Variants in CATSPER1 observed in about 807,000 individuals in gnomAD.
CATSPER1 encodes the protein cation channel sperm associated 1.
Under a neutral mutation model 72.7 loss-of-function variants are expected in CATSPER1, and 57 were observed. The observed-to-expected ratio is 0.78, with a 90% CI of 0.63 to 0.98. CATSPER1 has a LOEUF of 0.98. Ranked by LOEUF, CATSPER1 falls within the 50% of genes least tolerant of loss-of-function variation. CATSPER1 has a pLI of 0.00. For missense variants in CATSPER1, 910 were observed against 1,033.9 expected, an observed-to-expected ratio of 0.88 and a Z score of 1.64; for synonymous variants, 363 against 403.0, an observed-to-expected ratio of 0.90 and a Z score of 1.19.
In CATSPER1 at chr11:66,017,178, CGGGTGGGCG is replaced by C; in HGVS notation, c.2202-13_2202-5del. On this transcript the variant is annotated splice_region_variant and splice_polypyrimidine_tract_variant and intron_variant, in intron 10 of 11. Transcript: ENST00000312106. Reference sequence around the variant, plus strand: ...ATGGAACAGGAGCTCCTGCTGCCTGCGGGTGGGCGGGGGGGTCGCAGAGACAGGGGCTGG... The same window carrying C: ...ATGGAACAGGAGCTCCTGCTGCCTGCGGGGGGTCGCAGAGACAGGGGCTGG... 1 of 191,242 alleles carries C rather than the reference CGGGTGGGCG, an allele frequency of 5.2e-6. No individual in the cohort carries two copies. The highest frequency in any genetic ancestry group is 9.9e-6 in the Non-Finnish European group (1 of 101,142). 11.8% of individuals were successfully genotyped at this position (191,242 alleles called of 1,614,324 possible). A position where few individuals can be genotyped will look rare whatever the true frequency, so the allele number is the denominator to read the frequency against.
Position 66,021,801 on chromosome 11 carries a change from C to T in CATSPER1, c.1508G>A (p.Gly503Asp), listed in dbSNP as rs1404235987. ...CCAGAAGTCAAAGAAGTACGAGAGG[C>T]CCAGGGCGATGATCTTGAGCAGGGC... Reference protein sequence around the residue: ...VEALLKIIALGLSYFFDFWNN... With the variant: ...VEALLKIIALDLSYFFDFWNN... Residue 503 changes from glycine to aspartate, a missense_variant, in exon 3 of 12, where the codon GGC becomes GAC. Physicochemically the swap from Gly to Asp is moderately conservative, Grantham distance 94. Transcript: ENST00000312106. 3 of 1,614,152 alleles carry T rather than the reference C, an allele frequency of 1.9e-6. 1 individual carries two copies. In the South Asian group the frequency reaches 3.3e-5, roughly 18 times the overall value.
Position 66,021,486 on chromosome 11 carries a change from G to A in CATSPER1, c.1691+10C>T. On this transcript the variant is annotated intron_variant, in intron 4 of 11. Transcript: ENST00000312106. ...AGTCCCCACCCCAGGTGGGAGCCGT[G>A]GCCACTGACCTGAGCCTCCGCAGGA... is the stretch of plus-strand genomic sequence containing the variant. 6.2e-7 allele frequency: 1 copy of A among 1,612,370 alleles called. No homozygotes were observed. The highest frequency in any genetic ancestry group is 8.5e-7 in the Non-Finnish European group (1 of 1,179,976).
rs368408977 is a variant in CATSPER1 at position 66,016,824 on chromosome 11, C to T, written c.*66G>A. 17 of 1,553,868 alleles carry T rather than the reference C, an allele frequency of 1.1e-5. No homozygotes were observed. The highest frequency in any genetic ancestry group is 1.8e-5 in the Admixed American group (1 of 56,408). On this transcript the variant is annotated 3_prime_UTR_variant, in exon 12 of 12. Coordinates refer to ENST00000312106, the MANE Select transcript of CATSPER1 (RefSeq NM_053054.4). ...AATCATTCCAGCAGATCTGGGGACC[C>T]GTCCCAGTGCACCCAGGTGGGCAGA...
Position 66,020,234 on chromosome 11 carries a change from C to T in CATSPER1, c.2065-34G>A, listed in dbSNP as rs748682174. 86 of 1,614,048 alleles carry T rather than the reference C, an allele frequency of 5.3e-5. No individual in the cohort carries two copies. The South Asian group carries it at 5.8e-4, about 11-fold the overall frequency. On this transcript the variant is annotated intron_variant, in intron 8 of 11. Coordinates refer to ENST00000312106, the MANE Select transcript of CATSPER1 (RefSeq NM_053054.4). The surrounding 1 kb of genome is among the most constrained non-coding windows in gnomAD (Gnocchi z 4.5). ...AAGAGGCCTCAGATCTGCCAGAGTCCCAGGCCTGCTCAACCCTGGAGGCCC... is the reference window on the plus strand; with the variant it reads ...AAGAGGCCTCAGATCTGCCAGAGTCTCAGGCCTGCTCAACCCTGGAGGCCC...
chr11:66,025,525 G>A lies in CATSPER1; in HGVS notation c.855C>T (p.His285=), dbSNP rs1019213429. 1.2e-6 allele frequency: 2 copies of A among 1,605,148 alleles called. No homozygotes were observed. The highest frequency in any genetic ancestry group is 2.7e-5 in the African/African-American group (2 of 74,730). Residue 285 remains histidine, a synonymous_variant, in exon 1 of 12, where the codon CAC becomes CAT. Coordinates refer to ENST00000312106, the MANE Select transcript of CATSPER1 (RefSeq NM_053054.4). ...SEYHHGDHPH[H]TQHHYHQTHR... ...GGGTCTGGTGGTAGTGGTGCTGTGT[G>A]TGGTGGGGATGGTCGCCATGGTGGT...
At position 66,017,033 on chromosome 11, in the gene CATSPER1, G is replaced by T. The variant is rs748425480; in HGVS notation, c.2316+27C>A. 27 of 1,611,786 alleles carry T rather than the reference G, an allele frequency of 1.7e-5. No homozygotes were observed. In the Admixed American group the frequency reaches 2.7e-4, roughly 16 times the overall value. On this transcript the variant is annotated intron_variant, in intron 11 of 11. Transcript: ENST00000312106. ...CAAGCCCCTGGGGTTCCCCTCGCCG[G>T]CCCCTTCCCGCTCCTGCCTGGTTCA...
Position 66,025,050 on chromosome 11 carries a change from T to C in CATSPER1, c.1216+114A>G, listed in dbSNP as rs1856465988. 4 of 1,274,422 alleles carry C rather than the reference T, an allele frequency of 3.1e-6. No homozygotes were observed. The African/African-American group carries it at 4.4e-5, about 14-fold the overall frequency. The allele number at this position is 1,274,422 out of a possible 1,614,324, so 78.9% of individuals were successfully genotyped here. ...GAGAGTGAATAGCCAGTGGGGGACC[T>C]GTGCAGGAGGGTCGGGCCTTACGAT... On this transcript the variant is annotated intron_variant, in intron 1 of 11. Transcript: ENST00000312106.
In CATSPER1 at chr11:66,025,305, AG is replaced by A; in HGVS notation, c.1074del (p.Ser359ArgfsTer5). The A allele has an allele frequency of 6.2e-7, 1 of 1,614,082 alleles. No homozygotes were observed. Among genetic ancestry groups the A allele is most frequent in the Non-Finnish European group, 8.5e-7 (1 of 1,180,012 alleles). ...GAGGACCGAGTCATGCTGTGAGCCG[AG>A]CCCCGTGGGTGTGCTACGTGATAGG... is the stretch of plus-strand genomic sequence containing the variant. ...VFPYHVAHPR[G>X]SAHSMTRSSS... On this transcript the variant is annotated frameshift_variant, in exon 1 of 12. Coordinates refer to ENST00000312106, the MANE Select transcript of CATSPER1 (RefSeq NM_053054.4). LOFTEE classifies it high-confidence loss of function.
At chr11:66,023,183 G>C in intron 1 of CATSPER1, 122 bp from the exon 2 acceptor site, 1 of 974,314 alleles carries the variant, frequency 1.0e-6, no homozygotes, top group Non-Finnish European at 1.6e-6. Context: ...TCTGCCTCCC[G>C]GGTTCAAGCA....
Position 66,020,686 on chromosome 11 carries a change from C to A in CATSPER1, c.1928-59G>T. On this transcript the variant is annotated intron_variant, in intron 6 of 11. Transcript: ENST00000312106. The surrounding 1 kb of genome is among the most constrained non-coding windows in gnomAD (Gnocchi z 4.5). ...TGTGCTCGCCACCCCCAACCACGACCTGCTCCCTTCCCATACCCGGACATG... is the reference window on the plus strand; with the variant it reads ...TGTGCTCGCCACCCCCAACCACGACATGCTCCCTTCCCATACCCGGACATG... 6.3e-7 allele frequency: 1 copy of A among 1,596,296 alleles called. No individual in the cohort carries two copies. Among genetic ancestry groups the A allele is most frequent in the Non-Finnish European group, 8.6e-7 (1 of 1,166,990 alleles).
Position 66,025,468 on chromosome 11 carries a change from G to C in CATSPER1, c.912C>G (p.Asp304Glu). ...AACTGGAATGATACGCGCCGTGGTGGTCTTGGTGCTGATGGTAGTCTCGGT... is the reference window on the plus strand; with the variant it reads ...AACTGGAATGATACGCGCCGTGGTGCTCTTGGTGCTGATGGTAGTCTCGGT... ...HRHRDYHQHQDHHGAYHSSYL... is the reference protein window; with the variant it reads ...HRHRDYHQHQEHHGAYHSSYL... Residue 304 changes from aspartate (D) to glutamate (E), a missense_variant, in exon 1 of 12, where the codon GAC becomes GAG. Asp to Glu is a conservative substitution (Grantham distance 45). Transcript: ENST00000312106. 1.9e-6 allele frequency: 3 copies of C among 1,613,326 alleles called. No homozygotes were observed. The highest frequency in any genetic ancestry group is 2.5e-6 in the Non-Finnish European group (3 of 1,179,902).
Position 66,017,194 on chromosome 11 carries a change from T to TGGGGGGGGGGCA in CATSPER1, c.2202-21_2202-20insTGCCCCCCCCCC. The TGGGGGGGGGGCA allele has an allele frequency of 1.8e-6, 1 of 550,274 alleles. No individual in the cohort carries two copies. Among genetic ancestry groups the TGGGGGGGGGGCA allele is most frequent in the Non-Finnish European group, 3.4e-6 (1 of 295,848 alleles). The allele number at this position is 550,274 out of a possible 1,614,324, so 34.1% of individuals were successfully genotyped here. A position where few individuals can be genotyped will look rare whatever the true frequency, so the allele number is the denominator to read the frequency against. On this transcript the variant is annotated intron_variant, in intron 10 of 11. Transcript: ENST00000312106. The stretch of plus-strand genomic sequence containing the variant: ...TGCTGCCTGCGGGTGGGCGGGGGGG[T>TGGGGGGGGGGCA]CGCAGAGACAGGGGCTGGGCTGACC...
In CATSPER1 at chr11:66,016,873, C is replaced by T. The variant is rs1335064761; in HGVS notation, c.*17G>A. ...GACTGCCAGGGGCTGAAGTCTGTAT[C>T]TGGTGTCCTCCTGGGGTCAATTCCT... On this transcript the variant is annotated 3_prime_UTR_variant, in exon 12 of 12. Coordinates refer to ENST00000312106, the MANE Select transcript of CATSPER1 (RefSeq NM_053054.4). 4.3e-6 allele frequency: 7 copies of T among 1,613,336 alleles called. No individual in the cohort carries two copies. The highest frequency in any genetic ancestry group is 4.2e-6 in the Non-Finnish European group (5 of 1,179,598).
chr11:66,025,823 G>C lies in CATSPER1; in HGVS notation c.557C>G (p.Pro186Arg), dbSNP rs1435378026. 1.2e-6 allele frequency: 2 copies of C among 1,612,500 alleles called. No homozygotes were observed. The highest frequency in any genetic ancestry group is 2.7e-5 in the African/African-American group (2 of 74,380). The change falls in exon 1 of 12, where the codon CCC becomes CGC. Residue 186 changes from proline (P) to arginine (R), a missense_variant. Pro to Arg is a moderately radical substitution (Grantham distance 103). Transcript: ENST00000312106. ...GCTGTGGTGGAAGGACTCACTGTAG[G>C]GATTGGGTCCATGGGGGAGGTAGGA... is the stretch of plus-strand genomic sequence containing the variant. ...GGSYLPHGPNPYSESFHHSEA... is the reference protein window; with the variant it reads ...GGSYLPHGPNRYSESFHHSEA...
Position 66,026,020 on chromosome 11 carries a change from T to G in CATSPER1, c.360A>C (p.Gln120His). 1.2e-6 allele frequency: 2 copies of G among 1,613,924 alleles called. No individual in the cohort carries two copies. The highest frequency in any genetic ancestry group is 1.7e-6 in the Non-Finnish European group (2 of 1,179,936). Residue 120 changes from glutamine to histidine, a missense_variant, in exon 1 of 12, where the codon CAA (glutamine) becomes CAC (histidine). Gln to His is a conservative substitution (Grantham distance 24, BLOSUM62 0). Transcript: ENST00000312106. ...CATCATGATGCCTCCTGCCATCACG[T>G]TGGAGCTCATCATGGTAGTCCTCAC... Reference protein sequence around the residue: ...SYGEDYHDELQRDGRRHHDGS... With the variant: ...SYGEDYHDELHRDGRRHHDGS...
At position 66,025,735 on chromosome 11, in the gene CATSPER1, A is replaced by G; in HGVS notation, c.645T>C (p.Arg215=). The change falls in exon 1 of 12, where the codon CGT becomes CGC. Residue 215 remains arginine, a synonymous_variant. Transcript: ENST00000312106. ...DESQHHQVPH[R]GWPHHHQVHH... is the part of the protein sequence containing the mutation. ...GGACTTGGTGATGGTGGGGCCAGCC[A>G]CGGTGGGGGACTTGGTGATGCTGGG... The G allele has an allele frequency of 6.2e-7, 1 of 1,613,654 alleles. No individual in the cohort carries two copies. Among genetic ancestry groups the G allele is most frequent in the African/African-American group, 1.3e-5 (1 of 74,840 alleles).
chr11:66,025,648 T>A lies in CATSPER1; in HGVS notation c.732A>T (p.Gly244=). The A allele has an allele frequency of 6.2e-7, 1 of 1,613,606 alleles. No homozygotes were observed. The highest frequency in any genetic ancestry group is 8.5e-7 in the Non-Finnish European group (1 of 1,179,860). Residue 244 remains glycine (G), a synonymous_variant, in exon 1 of 12, where the codon GGA becomes GGT. Transcript: ENST00000312106. ...CAGAGGAATGAGGGGAAATGGTCTC[T>A]CCGTGATGAGGAGACTTTCCATGCT... The part of the protein sequence containing the change: ...AHQHGKSPHH[G]ETISPHSSVG...
In CATSPER1 at chr11:66,021,568, C is replaced by G; in HGVS notation, c.1619G>C (p.Ser540Thr). Residue 540 changes from serine to threonine, a missense_variant, in exon 4 of 12, where the codon AGC becomes ACC. Ser to Thr is a moderately conservative substitution (Grantham distance 58). Transcript: ENST00000312106. ...QTHSFAIYHQ[S>T]LFRILKVFKS... ...GAAGACCTTGAGGATCCGGAAGAGG[C>G]TTTGGTGGTAGATGGCGAAGGAGTG... 1 of 1,613,678 alleles carries G rather than the reference C, an allele frequency of 6.2e-7. No homozygotes were observed. Among genetic ancestry groups the G allele is most frequent in the East Asian group, 2.2e-5 (1 of 44,868 alleles).
At chr11:66,017,847 C>T (rs1856271010) in intron 10 of CATSPER1, among the ~76,000 whole-genome samples, 2 of 152,172 alleles carry the variant, frequency 1.3e-5, no homozygotes. Flanking sequence ...GGAAACCTCG[C>T]CTGATGCTGG....
Sources: gnomAD v4.1 joint callset for allele counts (sites outside exome capture counted in the v4.1 genomes callset) on GRCh38, gnomAD v4.1.1 for gene constraint, Gnocchi (gnomAD v3.1) non-coding constraint, MANE v1.5 for transcripts, NCBI Gene and HGNC (gene_info 2026-07-23, HGNC 2026-07-21) for gene names.